CDH12: variants seen among roughly 807,000 people sequenced by gnomAD.
The protein encoded by CDH12 is cadherin 12, also known as cadherin-12.
CDH12 carries 41 observed loss-of-function variants against 74.1 expected under a neutral mutation model. The observed-to-expected ratio is 0.55, with a 90% CI of 0.43 to 0.72. The LOEUF (loss-of-function observed/expected upper bound fraction) is 0.72. CDH12 is among the 30% of genes least tolerant of loss of function. The probability of loss-of-function intolerance (pLI) is 0.00; values close to 1 mark genes in which losing one functional copy is unlikely to be tolerated. For missense variants in CDH12, 945 were observed against 977.2 expected, an observed-to-expected ratio of 0.97 and a Z score of 0.44; for synonymous variants, 399 against 355.0, an observed-to-expected ratio of 1.12 and a Z score of -1.39.
chr5:21,867,764 T>C (rs1456719231), intron 6 of CDH12, among the ~76,000 whole-genome samples: 1 of 152,232 alleles, frequency 6.6e-6, no homozygotes, highest in Non-Finnish European at 1.5e-5. Flanking sequence ...GACTGTGGAC[T>C]TTTGAGTTAA....
In CDH12 at chr5:22,731,574, T is replaced by C. The variant is rs534863911; in HGVS notation, c.-523+121484A>G. Among the ~76,000 whole-genome samples the C allele has an allele frequency of 1.5e-4, 23 of 152,016 alleles. No individual in the cohort carries two copies. In the East Asian group the frequency reaches 4.5e-3, roughly 29 times the overall value. The stretch of plus-strand genomic sequence containing the variant: ...TGGAGAATTAATGGAGGTAACCTAG[T>C]TAACTTTCTACAAAATCTCAATTGC... On this transcript the variant is annotated intron_variant, in intron 1 of 14. Transcript: ENST00000382254.
At chr5:22,144,153 G>T (rs1372031977) in intron 4 of CDH12, 1 of 152,150 alleles carries the variant, frequency 6.6e-6, no homozygotes, top group Admixed American at 6.5e-5. Flanking sequence ...ACTCAAGTAA[G>T]TGCAAATTTT....
chr5:22,216,253 A>G lies in CDH12; in HGVS notation c.-332-3610T>C, dbSNP rs574401586. Among the ~76,000 whole-genome samples, 36 of 152,146 alleles carry G rather than the reference A, an allele frequency of 2.4e-4. No homozygotes were observed. In the East Asian group the frequency reaches 7.0e-3, roughly 29 times the overall value. On this transcript the variant is annotated intron_variant, in intron 3 of 14. Transcript: ENST00000382254. ...TTGTGATTGTGATTTATTGAAGAAA[A>G]AATTACTCTGAGCTGACAGGGAACT...
At chr5:22,512,141 T>A (rs1402133331) in intron 1 of CDH12, among the ~76,000 whole-genome samples, 1 of 152,076 alleles carries the variant, frequency 6.6e-6, no homozygotes. Context: ...TACATAAGTA[T>A]TAGAAAATAC....
At chr5:21,882,570 G>A (rs1478260118) in intron 6 of CDH12, 6 of 1,499,390 alleles carry the variant, frequency 4.0e-6, no homozygotes, top group South Asian at 1.1e-5. Context: ...CGCATGCCCT[G>A]CAGCCGCCCC....
intron 1 of CDH12, among the ~76,000 whole-genome samples, chr5:22,733,502 C>T (rs1320673425): frequency 6.6e-6 from 1 of 150,666 alleles, no homozygotes; most frequent in African/African-American, 2.4e-5. Flanking sequence ...TTTCTCCCAC[C>T]AAGTTTTCTT....
intron 4 of CDH12, among the ~76,000 whole-genome samples, chr5:22,083,496 T>G (rs1742875027): frequency 6.6e-6 from 1 of 152,198 alleles, no homozygotes; most frequent in South Asian, 2.1e-4. Context: ...TGGCAAATTG[T>G]AGGCACCAAG....
chr5:22,167,198 G>A (rs1365460714), intron 4 of CDH12, among the ~76,000 whole-genome samples: 1 of 152,194 alleles, frequency 6.6e-6, no homozygotes, highest in African/African-American at 2.4e-5. Flanking sequence ...AAGAATGGAT[G>A]TGGTTTGTGA....
At chr5:22,546,857 T>A (rs1029591866) in intron 1 of CDH12, among the ~76,000 whole-genome samples, 1 of 152,192 alleles carries the variant, frequency 6.6e-6, no homozygotes, top group Non-Finnish European at 1.5e-5. Context: ...TATTTTTCAG[T>A]ATTACAAAAA....
intron 10 of CDH12, among the ~76,000 whole-genome samples, chr5:21,798,416 G>A (rs13355254): frequency 0.033 from 5,003 of 152,134 alleles, 240 homozygotes; most frequent in African/African-American, 0.11. Flanking sequence ...TGAAATGTAC[G>A]GGTGCTCAGT....
intron 1 of CDH12, among the ~76,000 whole-genome samples, chr5:22,536,987 T>C (rs1282707618): frequency 6.6e-6 from 1 of 152,158 alleles, no homozygotes; most frequent in Non-Finnish European, 1.5e-5. Flanking sequence ...GGCCTAACTC[T>C]TGGTTTTGAC....
At chr5:22,504,668 C>T (rs1199958487) in intron 2 of CDH12, among the ~76,000 whole-genome samples, 1 of 152,036 alleles carries the variant, frequency 6.6e-6, no homozygotes, top group Non-Finnish European at 1.5e-5. Context: ...TTAACTGTAA[C>T]TGTCTAAATC....
At chr5:22,416,914 A>AT (rs1365953370) in intron 2 of CDH12, among the ~76,000 whole-genome samples, 1 of 152,178 alleles carries the variant, frequency 6.6e-6, no homozygotes, top group African/African-American at 2.4e-5. Flanking sequence ...AATTTAAGAT[A>AT]TTTTTTAATG....
chr5:22,080,620 T>G (rs2150227737), intron 4 of CDH12, among the ~76,000 whole-genome samples: 3 of 152,280 alleles, frequency 2.0e-5, no homozygotes, highest in East Asian at 3.9e-4. Flanking sequence ...ATTGGCAATT[T>G]GGGATCATGA....
intron 4 of CDH12, among the ~76,000 whole-genome samples, chr5:22,151,313 A>T (rs1747567316): frequency 6.6e-6 from 1 of 152,208 alleles, no homozygotes; most frequent in Non-Finnish European, 1.5e-5. Context: ...GACTATTAAA[A>T]AAGTGTAATA....
At chr5:22,346,105 CAAAA>C (rs5866560) in intron 3 of CDH12, among the ~76,000 whole-genome samples, 3 of 101,636 alleles carry the variant, frequency 3.0e-5, no homozygotes, top group South Asian at 3.0e-4. Flanking sequence ...GACTTCATCT[CAAAA>C]AAAAAAAAAA....
chr5:22,616,344 G>A (rs1383027414), intron 1 of CDH12, among the ~76,000 whole-genome samples: 2 of 152,030 alleles, frequency 1.3e-5, no homozygotes, highest in Non-Finnish European at 2.9e-5. Context: ...TTAGTATTAA[G>A]TGCTAAAATA....
intron 1 of CDH12, among the ~76,000 whole-genome samples, chr5:22,768,277 C>G (rs1461597090): frequency 6.6e-6 from 1 of 152,154 alleles, no homozygotes; most frequent in East Asian, 1.9e-4. Context: ...TTAGATAACT[C>G]TATCCCATGG....
intron 4 of CDH12, among the ~76,000 whole-genome samples, chr5:22,128,410 T>C (rs1318008462): frequency 6.8e-6 from 1 of 146,574 alleles, no homozygotes; most frequent in Admixed American, 6.8e-5. Flanking sequence ...AAAGTCCAGC[T>C]AGTTTTTTTT....
Sources: allele counts gnomAD v4.1 joint callset (sites outside exome capture counted in the v4.1 genomes callset), GRCh38; gene constraint gnomAD v4.1.1; transcripts MANE v1.5; gene names NCBI Gene and HGNC (gene_info 2026-07-23, HGNC 2026-07-21).